The following MYO1E variants were observed in gnomAD, a reference collection of about 807,000 sequenced individuals.
The protein encoded by MYO1E is unconventional myosin-Ie.
Under a neutral mutation model 151.1 loss-of-function variants are expected in MYO1E, and 68 were observed. The ratio of observed to expected loss-of-function variants is 0.45; its 90% CI spans 0.37 to 0.55. The LOEUF is 0.55. MYO1E is among the 20% of genes least tolerant of loss of function. The probability of loss-of-function intolerance (pLI) is 0.00; values close to 1 mark genes in which losing one functional copy is unlikely to be tolerated. For synonymous variants in MYO1E, 601 were observed against 501.7 expected, an observed-to-expected ratio of 1.20 and a Z score of -2.64; for missense variants, 1,363 against 1,389.3, an observed-to-expected ratio of 0.98 and a Z score of 0.30.
intron 5 of MYO1E, among the ~76,000 whole-genome samples, chr15:59,235,660 A>G (rs1273482279): frequency 6.6e-6 from 1 of 152,224 alleles, no homozygotes; most frequent in Non-Finnish European, 1.5e-5. Context: ...TATTTTGTAT[A>G]CATTTCAGCA....
intron 1 of MYO1E, among the ~76,000 whole-genome samples, chr15:59,319,899 T>C (rs1185064354): frequency 6.6e-6 from 1 of 151,926 alleles, no homozygotes; most frequent in Non-Finnish European, 1.5e-5. Flanking sequence ...CAAAACTCCG[T>C]CTCAAAGCAA....
chr15:59,266,116 T>C (rs1438799760), intron 2 of MYO1E, among the ~76,000 whole-genome samples: 1 of 152,220 alleles, frequency 6.6e-6, no homozygotes, highest in East Asian at 1.9e-4. Flanking sequence ...ATTCTCACCT[T>C]TTCCACCTTG....
chr15:59,348,548 T>C (rs2080806754), intron 1 of MYO1E: 1 of 152,254 alleles, frequency 6.6e-6, no homozygotes, highest in African/African-American at 2.4e-5. Flanking sequence ...GTTGTCATTT[T>C]TAAAAAGCAC....
At chr15:59,308,343 A>G (rs1596410484) in intron 1 of MYO1E, among the ~76,000 whole-genome samples, 1 of 148,046 alleles carries the variant, frequency 6.8e-6, no homozygotes, top group African/African-American at 2.5e-5. Context: ...CGAGACCAGC[A>G]TGGCCAACAT....
chr15:59,231,595 C>T, intron 6 of MYO1E, 107 bp downstream of exon 6: 1 of 1,209,402 alleles, frequency 8.3e-7, no homozygotes, highest in South Asian at 1.2e-5. Context: ...AGGTGGCCTC[C>T]TGATGATATG....
intron 2 of MYO1E, among the ~76,000 whole-genome samples, chr15:59,271,676 A>G (rs1268965521): frequency 6.6e-6 from 1 of 152,266 alleles, no homozygotes; most frequent in African/African-American, 2.4e-5. Context: ...AAGAACGTCA[A>G]GCATTTTCAA....
chr15:59,172,066 AG>A, intron 21 of MYO1E, 24 bp from the exon 22 acceptor site: 1 of 1,612,430 alleles, frequency 6.2e-7, no homozygotes, highest in Non-Finnish European at 8.5e-7. Context: ...AGCTTTAAGA[AG>A]CTGGACAGGC....
chr15:59,289,376 A>T (rs764275534), intron 1 of MYO1E, among the ~76,000 whole-genome samples: 1 of 152,246 alleles, frequency 6.6e-6, no homozygotes, highest in Non-Finnish European at 1.5e-5. Context: ...ATCAAACTGC[A>T]TGAGGAGACT....
intron 1 of MYO1E, among the ~76,000 whole-genome samples, chr15:59,285,250 G>A (rs1468969849): frequency 6.6e-6 from 1 of 151,694 alleles, no homozygotes; most frequent in Non-Finnish European, 1.5e-5. Context: ...CTTGCAAGGT[G>A]TGGCGGTTCA....
rs551697462 is a variant in MYO1E, at chr15:59,233,298, G to A, written c.421-1507C>T. Among the ~76,000 whole-genome samples the A allele has an allele frequency of 8.5e-5, 13 of 152,066 alleles. 1 individual carries two copies. The South Asian group carries it at 2.3e-3, about 27-fold the overall frequency. ...CGTCCATATGTATTCATCAACAATCGGTGATGTTCAACAGAATTTTGTGGC... is the reference window on the plus strand; with the variant it reads ...CGTCCATATGTATTCATCAACAATCAGTGATGTTCAACAGAATTTTGTGGC... On this transcript the variant is annotated intron_variant, in intron 5 of 27. Coordinates refer to ENST00000288235, the MANE Select transcript of MYO1E (RefSeq NM_004998.4).
At chr15:59,346,101 A>G (rs2080792689) in intron 1 of MYO1E, among the ~76,000 whole-genome samples, 1 of 152,196 alleles carries the variant, frequency 6.6e-6, no homozygotes, top group Non-Finnish European at 1.5e-5. Context: ...GATTGTAAGC[A>G]AAGGTCTGGC....
intron 10 of MYO1E, among the ~76,000 whole-genome samples, chr15:59,216,441 G>C (rs1269733219): frequency 6.6e-6 from 1 of 151,498 alleles, no homozygotes; most frequent in Non-Finnish European, 1.5e-5. Flanking sequence ...ATAAGTGCCT[G>C]CTATTATTAT....
At chr15:59,308,222 C>CAAAAA (rs1189618865) in intron 1 of MYO1E, among the ~76,000 whole-genome samples, 3 of 48,508 alleles carry the variant, frequency 6.2e-5, no homozygotes, top group African/African-American at 2.1e-4. Flanking sequence ...GACTCTGTCT[C>CAAAAA]AAAAAAAAAA....
intron 18 of MYO1E, among the ~76,000 whole-genome samples, chr15:59,186,980 G>T (rs1050395470): frequency 2.0e-5 from 3 of 152,148 alleles, no homozygotes; most frequent in African/African-American, 7.2e-5. Flanking sequence ...ATAAAAATAA[G>T]TTTAAATTTA....
Position 59,137,275 on chromosome 15 carries a change from G to T in MYO1E, c.*105C>A. On this transcript the variant is annotated 3_prime_UTR_variant, in exon 28 of 28. Transcript: ENST00000288235. ...GGTACCAGAATAGCTCCAGGCCTTG[G>T]AGAAGCAATTGCTCATTGTGGATTG... 9.5e-7 allele frequency: 1 copy of T among 1,054,680 alleles called. No homozygotes were observed. The highest frequency in any genetic ancestry group is 1.6e-5 in the African/African-American group (1 of 64,040). The allele number at this position is 1,054,680 out of a possible 1,614,324, so 65.3% of individuals were successfully genotyped here.
chr15:59,145,971 G>C (rs1231529091), intron 26 of MYO1E, among the ~76,000 whole-genome samples: 14 of 152,146 alleles, frequency 9.2e-5, no homozygotes, highest in Admixed American at 8.5e-4. Context: ...GACAGCACAG[G>C]CTCACTCATG....
At chr15:59,207,902 C>T in intron 14 of MYO1E, 1 of 1,614,094 alleles carries the variant, frequency 6.2e-7, no homozygotes, top group Non-Finnish European at 8.5e-7. Context: ...AGAATACATC[C>T]AGTTTCCACC....
At chr15:59,314,027 T>C (rs1374264405) in intron 1 of MYO1E, among the ~76,000 whole-genome samples, 4 of 152,242 alleles carry the variant, frequency 2.6e-5, no homozygotes, top group Non-Finnish European at 4.4e-5. Context: ...GCATCATTCA[T>C]GCTTTCAGGC....
At chr15:59,306,743 C>G (rs754752474) in intron 1 of MYO1E, among the ~76,000 whole-genome samples, 39 of 152,240 alleles carry the variant, frequency 2.6e-4, no homozygotes, top group Non-Finnish European at 4.6e-4. Context: ...TCACACTCAT[C>G]ATCTCAGTCC....
Sources: gnomAD v4.1 joint callset for allele counts (sites outside exome capture counted in the v4.1 genomes callset) on GRCh38, gnomAD v4.1.1 for gene constraint, MANE v1.5 for transcripts, NCBI Gene and HGNC (gene_info 2026-07-23, HGNC 2026-07-21) for gene names.